The following MDGA2 variants were observed in gnomAD, a reference collection of about 807,000 sequenced individuals.
MDGA2 encodes MAM domain-containing glycosylphosphatidylinositol anchor protein 2.
MDGA2 carries 40 observed loss-of-function variants against 117.8 expected under a neutral mutation model. The observed-to-expected ratio is 0.34, with a 90% confidence interval of 0.26 to 0.44. The LOEUF (loss-of-function observed/expected upper bound fraction) is 0.44. MDGA2 is among the 20% of genes least tolerant of loss of function. The pLI, the probability that MDGA2 is intolerant of heterozygous loss-of-function variation, is 1.00. For missense variants in MDGA2, 1,123 were observed against 1,250.6 expected, an observed-to-expected ratio of 0.90 and a Z score of 1.54; for synonymous variants, 452 against 439.0, an observed-to-expected ratio of 1.03 and a Z score of -0.37.
At chr14:46,926,874 A>T (rs1222251843) in intron 9 of MDGA2, among the ~76,000 whole-genome samples, 1 of 152,180 alleles carries the variant, frequency 6.6e-6, no homozygotes, top group Admixed American at 6.6e-5. Context: ...ATAAAAAAAA[A>T]GATATGTGAT....
intron 1 of MDGA2, among the ~76,000 whole-genome samples, chr14:47,392,975 A>G (rs1253640082): frequency 6.6e-6 from 1 of 152,008 alleles, no homozygotes; most frequent in East Asian, 1.9e-4. Context: ...AGATCAGACC[A>G]GTATTTTTTC....
intron 1 of MDGA2, among the ~76,000 whole-genome samples, chr14:47,495,468 C>T (rs768853074): frequency 6.6e-6 from 1 of 152,074 alleles, no homozygotes; most frequent in Non-Finnish European, 1.5e-5. Flanking sequence ...AGAAATCATG[C>T]TGCTTTTACT....
chr14:47,185,950 T>G (rs1453149372), intron 3 of MDGA2, among the ~76,000 whole-genome samples: 1 of 151,624 alleles, frequency 6.6e-6, no homozygotes, highest in African/African-American at 2.4e-5. Context: ...AATACCTATT[T>G]ATAATTAGGA....
chr14:47,617,852 A>C (rs1009879661), intron 1 of MDGA2, among the ~76,000 whole-genome samples: 4 of 152,186 alleles, frequency 2.6e-5, no homozygotes, highest in Admixed American at 6.5e-5. Context: ...ATGGTGGGTA[A>C]ATTCATGTTC....
At chr14:47,310,342 G>A (rs529465788) in intron 1 of MDGA2, among the ~76,000 whole-genome samples, 1 of 152,180 alleles carries the variant, frequency 6.6e-6, no homozygotes, top group South Asian at 2.1e-4. Flanking sequence ...TCAAGTCTAG[G>A]CAGTCACGCA....
intron 1 of MDGA2, among the ~76,000 whole-genome samples, chr14:47,318,095 C>A (rs1323337438): frequency 6.8e-6 from 1 of 148,120 alleles, no homozygotes; most frequent in Non-Finnish European, 1.5e-5. Flanking sequence ...ACTATCATCT[C>A]TCACTCCAAC....
intron 8 of MDGA2, among the ~76,000 whole-genome samples, chr14:46,977,603 A>G (rs115541837): frequency 3.8e-4 from 58 of 152,070 alleles, no homozygotes; most frequent in African/African-American, 1.3e-3. Context: ...GAAGTCTATT[A>G]TAACTAACCA....
intron 2 of MDGA2, among the ~76,000 whole-genome samples, chr14:47,286,118 C>T (rs564560924): frequency 1.8e-4 from 27 of 151,836 alleles, no homozygotes; most frequent in East Asian, 1.4e-3. Context: ...AATACTTTTA[C>T]GTATTTGTGG....
chr14:47,638,879 G>T (rs1897370248), intron 1 of MDGA2, among the ~76,000 whole-genome samples: 1 of 152,048 alleles, frequency 6.6e-6, no homozygotes, highest in Non-Finnish European at 1.5e-5. Context: ...ACACAACTGG[G>T]CCCTGGTTAC....
chr14:47,360,370 TAAA>T (rs770640299), intron 1 of MDGA2, among the ~76,000 whole-genome samples: 1 of 132,966 alleles, frequency 7.5e-6, no homozygotes, highest in Non-Finnish European at 1.6e-5. Flanking sequence ...AATAAATAAA[TAAA>T]TAAATAAATA....
intron 8 of MDGA2, among the ~76,000 whole-genome samples, chr14:46,995,403 G>C (rs1191445454): frequency 6.6e-6 from 1 of 152,118 alleles, no homozygotes; most frequent in African/African-American, 2.4e-5. Context: ...ATTAAAGGTT[G>C]AAAGACTGGA....
At chr14:47,639,458 T>A (rs1217406415) in intron 1 of MDGA2, among the ~76,000 whole-genome samples, 2 of 152,144 alleles carry the variant, frequency 1.3e-5, no homozygotes, top group Non-Finnish European at 2.9e-5. Context: ...AATTATTTTG[T>A]CTAAGAAATG....
At position 47,053,654 on chromosome 14, in the gene MDGA2, TAC is replaced by T. The variant is rs746996959; in HGVS notation, c.1525+7593_1525+7594del. The stretch of plus-strand genomic sequence containing the variant: ...ATATATATATATATATATATATATA[TAC>T]ACACACACACACACATATATATATA... On this transcript the variant is annotated intron_variant, in intron 7 of 16. Transcript: ENST00000399232. Among the ~76,000 whole-genome samples, 451 of 67,120 alleles carry T rather than the reference TAC, an allele frequency of 6.7e-3. 8 individuals carry two copies. The highest frequency in any genetic ancestry group is 0.021 in the Middle Eastern group (2 of 94). 44.0% of individuals were successfully genotyped at this position (67,120 alleles called of 152,430 possible).
At chr14:47,048,351 A>T (rs1466750617) in intron 7 of MDGA2, among the ~76,000 whole-genome samples, 1 of 152,150 alleles carries the variant, frequency 6.6e-6, no homozygotes, top group African/African-American at 2.4e-5. Context: ...ATTGAAAAAG[A>T]AAGATGCTTT....
chr14:47,071,621 A>T (rs888180869), intron 6 of MDGA2, among the ~76,000 whole-genome samples: 1 of 152,060 alleles, frequency 6.6e-6, no homozygotes, highest in Non-Finnish European at 1.5e-5. Context: ...GGTGGTATAG[A>T]CATACTTTTC....
chr14:47,094,969 G>T (rs76672953), intron 6 of MDGA2, among the ~76,000 whole-genome samples: 3,010 of 151,982 alleles, frequency 0.02, 98 homozygotes, highest in African/African-American at 0.068. Context: ...TACTTCCATT[G>T]TGAATTCTTT....
At chr14:47,355,910 G>A (rs1386237384) in intron 1 of MDGA2, among the ~76,000 whole-genome samples, 1 of 152,154 alleles carries the variant, frequency 6.6e-6, no homozygotes, top group Non-Finnish European at 1.5e-5. Flanking sequence ...TCATCTGAGT[G>A]CATGTGTCTT....
chr14:47,425,879 G>A (rs564406467), intron 1 of MDGA2, among the ~76,000 whole-genome samples: 132 of 150,796 alleles, frequency 8.8e-4, no homozygotes, highest in Middle Eastern at 3.4e-3. Flanking sequence ...ATTAACTATT[G>A]TACAATACTA....
At chr14:47,349,475 C>T (rs1890831565) in intron 1 of MDGA2, among the ~76,000 whole-genome samples, 1 of 152,102 alleles carries the variant, frequency 6.6e-6, no homozygotes, top group Admixed American at 6.5e-5. Flanking sequence ...TCTTCAAATG[C>T]AAATTAGTTA....
Sources: gnomAD v4.1 joint callset for allele counts (sites outside exome capture counted in the v4.1 genomes callset) on GRCh38, gnomAD v4.1.1 for gene constraint, MANE v1.5 for transcripts, NCBI Gene and HGNC (gene_info 2026-07-23, HGNC 2026-07-21) for gene names.